Variants in ARMC8 observed in about 807,000 individuals in gnomAD.
ARMC8 encodes the protein armadillo repeat containing 8, also known as armadillo repeat-containing protein 8.
In ARMC8, 20 loss-of-function variants were observed where a neutral mutation model predicts 99.3. That is an observed-to-expected ratio of 0.20 (90% confidence interval 0.14 to 0.29). The LOEUF (loss-of-function observed/expected upper bound fraction) is 0.29. ARMC8 is among the 10% of genes least tolerant of loss of function. The probability of loss-of-function intolerance (pLI) is 1.00; values close to 1 mark genes in which losing one functional copy is unlikely to be tolerated. For synonymous variants in ARMC8, 263 were observed against 278.3 expected, an observed-to-expected ratio of 0.95 and a Z score of 0.55; for missense variants, 569 against 809.5, an observed-to-expected ratio of 0.70 and a Z score of 3.60.
rs1323345424 is a variant in ARMC8, at chr3:138,235,131, T to C, written c.609+17T>C. ...TCCTACAAAGTAAGATGTTAAAAATTGTGGCCAGATTTGTATACCTTGTTT... is the reference window on the plus strand; with the variant it reads ...TCCTACAAAGTAAGATGTTAAAAATCGTGGCCAGATTTGTATACCTTGTTT... On this transcript the variant is annotated intron_variant, in intron 7 of 21. Transcript: ENST00000469044. The C allele has an allele frequency of 3.2e-6, 5 of 1,584,666 alleles. No individual in the cohort carries two copies. Among genetic ancestry groups the C allele is most frequent in the Non-Finnish European group, 4.3e-6 (5 of 1,154,112 alleles).
chr3:138,221,668 C>T (rs1333415675), intron 2 of ARMC8, among the ~76,000 whole-genome samples: 5 of 152,082 alleles, frequency 3.3e-5, no homozygotes, highest in Non-Finnish European at 7.4e-5. Context: ...GGTAGGTACC[C>T]TTTCTAGAAG....
chr3:138,286,525 C>T (rs1035486207), intron 19 of ARMC8, among the ~76,000 whole-genome samples: 29 of 152,170 alleles, frequency 1.9e-4, no homozygotes, highest in Non-Finnish European at 1.5e-5. Context: ...ATCTCTGGAC[C>T]CTTTTCTCTT....
chr3:138,212,092 G>A (rs558387723), intron 2 of ARMC8, among the ~76,000 whole-genome samples: 13 of 152,046 alleles, frequency 8.6e-5, no homozygotes, highest in Admixed American at 2.6e-4. Context: ...GTTTAAAGGG[G>A]ACAGATCACC....
intron 9 of ARMC8, chr3:138,238,376 A>G (rs2046439916): frequency 6.6e-6 from 1 of 152,238 alleles, no homozygotes; most frequent in Admixed American, 6.6e-5. Context: ...CAGAGTTTTT[A>G]TTAGCACAAT....
chr3:138,205,132 G>A (rs2044297885), intron 1 of ARMC8, among the ~76,000 whole-genome samples: 1 of 129,978 alleles, frequency 7.7e-6, no homozygotes, highest in African/African-American at 2.9e-5. Context: ...GCAGTGACGT[G>A]ATCTTAGCCC....
intron 12 of ARMC8, among the ~76,000 whole-genome samples, chr3:138,256,821 G>T (rs537654766): frequency 6.6e-6 from 1 of 152,222 alleles, no homozygotes; most frequent in South Asian, 2.1e-4. Context: ...CTACAGCAAT[G>T]ATAATTTTTT....
At chr3:138,198,814 A>G (rs2043888196) in intron 1 of ARMC8, among the ~76,000 whole-genome samples, 1 of 151,928 alleles carries the variant, frequency 6.6e-6, no homozygotes, top group Non-Finnish European at 1.5e-5. Flanking sequence ...GCCCGGCCAT[A>G]TAGCCTTATA....
At chr3:138,271,955 C>G (rs1007510610) in intron 16 of ARMC8, among the ~76,000 whole-genome samples, 5 of 152,114 alleles carry the variant, frequency 3.3e-5, no homozygotes, top group African/African-American at 1.2e-4. Context: ...GCCACCACAC[C>G]TGGCTATACA....
intron 5 of ARMC8, among the ~76,000 whole-genome samples, chr3:138,227,067 C>G (rs1475287760): frequency 6.6e-6 from 1 of 152,176 alleles, no homozygotes; most frequent in Non-Finnish European, 1.5e-5. Flanking sequence ...TTGAGCAACT[C>G]TGGCAGTAGA....
intron 16 of ARMC8, among the ~76,000 whole-genome samples, chr3:138,271,465 G>A (rs2048779164): frequency 6.6e-6 from 1 of 152,120 alleles, no homozygotes; most frequent in African/African-American, 2.4e-5. Context: ...TCACTTAAAT[G>A]GCGTATGGGA....
chr3:138,277,660 G>A lies in ARMC8; in HGVS notation c.1725+3116G>A, dbSNP rs564449211. 6.6e-5 allele frequency among the ~76,000 whole-genome samples: 10 copies of A among 152,300 alleles called. No individual in the cohort carries two copies. The South Asian group carries it at 1.9e-3, about 28-fold the overall frequency. ...AAAATTTTTTTAAAACAGTACAGTTGCTAGCAAGGATGCAGAGCATCTAGT... is the reference window on the plus strand; with the variant it reads ...AAAATTTTTTTAAAACAGTACAGTTACTAGCAAGGATGCAGAGCATCTAGT... On this transcript the variant is annotated intron_variant, in intron 18 of 21. Transcript: ENST00000469044.
At chr3:138,226,827 T>C (rs1283176403) in intron 5 of ARMC8, among the ~76,000 whole-genome samples, 2 of 152,224 alleles carry the variant, frequency 1.3e-5, no homozygotes, top group Non-Finnish European at 2.9e-5. Flanking sequence ...CTATGCCAGC[T>C]GTTTTACATG....
chr3:138,187,871 A>T (rs1297663573), intron 1 of ARMC8: 2 of 504,644 alleles, frequency 4.0e-6, no homozygotes, highest in Non-Finnish European at 7.1e-6. Flanking sequence ...GCTTATAGAC[A>T]ACTGGCTGGG....
At chr3:138,273,204 C>T (rs2048949652) in intron 17 of ARMC8, 88 bp downstream of exon 17, 2 of 1,342,884 alleles carry the variant, frequency 1.5e-6, no homozygotes. Flanking sequence ...TCATTAACAT[C>T]TGCCCATGAG....
chr3:138,207,350 T>C (rs2044429492), intron 1 of ARMC8, among the ~76,000 whole-genome samples: 3 of 152,262 alleles, frequency 2.0e-5, no homozygotes, highest in African/African-American at 4.8e-5. Flanking sequence ...GAACAGGGAC[T>C]GTGCCTTGCT....
At chr3:138,216,493 T>C (rs2045049850) in intron 2 of ARMC8, among the ~76,000 whole-genome samples, 1 of 152,210 alleles carries the variant, frequency 6.6e-6, no homozygotes, top group Admixed American at 6.5e-5. Context: ...ATATACCTCA[T>C]TCCTTAACCA....
At chr3:138,221,332 G>T (rs144981106) in intron 2 of ARMC8, among the ~76,000 whole-genome samples, 47 of 152,264 alleles carry the variant, frequency 3.1e-4, no homozygotes, top group Non-Finnish European at 5.7e-4. Flanking sequence ...AAAAATGAAT[G>T]GGAAAGTGGA....
chr3:138,190,281 C>CTTTTTTTTTTTTTT (rs141579108), intron 1 of ARMC8, among the ~76,000 whole-genome samples: 60 of 114,308 alleles, frequency 5.2e-4, no homozygotes, highest in Non-Finnish European at 8.0e-4. Context: ...ATTTTCTTAT[C>CTTTTTTTTTTTTTT]TTTTTTTTTT....
At chr3:138,270,221 T>C in intron 16 of ARMC8, 89 bp downstream of exon 16, 1 of 1,059,078 alleles carries the variant, frequency 9.4e-7, no homozygotes, top group East Asian at 2.6e-5. Flanking sequence ...TTGAAATGTC[T>C]GGAATTTTCT....
Sources: gnomAD v4.1 joint callset for allele counts (sites outside exome capture counted in the v4.1 genomes callset) on GRCh38, gnomAD v4.1.1 for gene constraint, MANE v1.5 for transcripts, NCBI Gene and HGNC (gene_info 2026-07-23, HGNC 2026-07-21) for gene names.